ANKRD24: variants seen among roughly 807,000 people sequenced by gnomAD.
ANKRD24 encodes ankyrin repeat domain 24.
ANKRD24 carries 109 observed loss-of-function variants against 127.8 expected under a neutral mutation model. That is an observed-to-expected ratio of 0.85 (90% confidence interval 0.73 to 1.00). ANKRD24 has a LOEUF of 1.00. Ranked by LOEUF, ANKRD24 falls within the 50% of genes least tolerant of loss-of-function variation. The pLI is 0.00. For missense variants in ANKRD24, 1,648 were observed against 1,570.2 expected (o/e 1.05, Z -0.84); for synonymous variants, 743 against 671.1 (o/e 1.11, Z -1.66).
At position 4,217,724 on chromosome 19, in the gene ANKRD24, A is replaced by G; in HGVS notation, c.2564A>G (p.Glu855Gly). The G allele has an allele frequency of 2.3e-6, 3 of 1,292,654 alleles. No individual in the cohort carries two copies. The highest frequency in any genetic ancestry group is 2.9e-6 in the Non-Finnish European group (3 of 1,024,654). The allele number at this position is 1,292,654 out of a possible 1,614,324, so 80.1% of individuals were successfully genotyped here. A position where few individuals can be genotyped will look rare whatever the true frequency, so the allele number is the denominator to read the frequency against. Residue 855 changes from glutamate to glycine, a missense_variant, in exon 18 of 22, where the codon GAG (glutamate) becomes GGG (glycine). Coordinates refer to ENST00000318934, the MANE Select transcript of ANKRD24 (RefSeq NM_001393985.1). ...AGCCGGGAGCTGGAGGTTCTGCGGG[A>G]GCAGCTGGCCACGGCCAGGGCCACG... ...EQSRELEVLR[E>G]QLATARATGE...
At chr19:4,186,543 TTTCA>T in intron 2 of ANKRD24, 82 bp downstream of exon 2, 1 of 1,472,786 alleles carries the variant, frequency 6.8e-7, no homozygotes, top group Non-Finnish European at 9.3e-7. Flanking sequence ...AGATCCACCC[TTTCA>T]TTCCAGTACC....
chr19:4,182,867 CT>C, intron 1 of ANKRD24, 127 bp downstream of exon 1: 2 of 496,224 alleles, frequency 4.0e-6, no homozygotes, highest in Non-Finnish European at 5.2e-6. Flanking sequence ...CCCACAACCC[CT>C]TTTACGGATT....
Position 4,198,229 on chromosome 19 carries a change from G to C in ANKRD24, c.37-1454G>C, listed in dbSNP as rs576357399. On this transcript the variant is annotated intron_variant, in intron 2 of 21. Coordinates refer to ENST00000318934, the MANE Select transcript of ANKRD24 (RefSeq NM_001393985.1). The surrounding 1 kb of genome is among the most constrained non-coding windows in gnomAD (Gnocchi z 6.1). ...CAGGCGACAAGGTCAGGAGGGGCCG[G>C]GGCGGCGCCCCTTCCCTCAGCCCCC... 5.5e-5 allele frequency: 28 copies of C among 513,350 alleles called. No individual in the cohort carries two copies. The highest frequency in any genetic ancestry group is 5.2e-4 in the African/African-American group (26 of 49,582). 31.8% of individuals were successfully genotyped at this position (513,350 alleles called of 1,614,324 possible).
chr19:4,196,360 AGTTT>A (rs935998161), intron 2 of ANKRD24, among the ~76,000 whole-genome samples: 8 of 122,750 alleles, frequency 6.5e-5, no homozygotes, highest in African/African-American at 2.0e-4. Flanking sequence ...TTGTTGTTTT[AGTTT>A]GTTTGTTTTT....
In ANKRD24 at chr19:4,217,685, C is replaced by A. The variant is rs1245691186; in HGVS notation, c.2525C>A (p.Ala842Glu). 3 of 1,285,814 alleles carry A rather than the reference C, an allele frequency of 2.3e-6. No homozygotes were observed. Among genetic ancestry groups the A allele is most frequent in the Non-Finnish European group, 2.0e-6 (2 of 1,020,856 alleles). 79.7% of individuals were successfully genotyped at this position (1,285,814 alleles called of 1,614,324 possible). The change falls in exon 18 of 22, where the codon GCG becomes GAG. Residue 842 changes from alanine to glutamate, a missense_variant. Physicochemically the swap from Ala to Glu is moderately radical, Grantham distance 107. Coordinates refer to ENST00000318934, the MANE Select transcript of ANKRD24 (RefSeq NM_001393985.1). ...GCCGAGCTGGCCCAGCGGGAGGAGGCGCGGCTGGAGCAGAGCCGGGAGCTG... is the reference window on the plus strand; with the variant it reads ...GCCGAGCTGGCCCAGCGGGAGGAGGAGCGGCTGGAGCAGAGCCGGGAGCTG... ...LRAELAQREE[A>E]RLEQSRELEV...
Position 4,207,915 on chromosome 19 carries a change from A to C in ANKRD24, c.779A>C (p.Lys260Thr). Residue 260 changes from lysine (K) to threonine (T), a missense_variant, in exon 10 of 22, where the codon AAA (lysine) becomes ACA (threonine). Physicochemically the swap from Lys to Thr is moderately conservative, Grantham distance 78 (BLOSUM62 -1). Transcript: ENST00000318934. Reference sequence around the variant, plus strand: ...CACTATGGCGCCCTGGCGGGGGACAAACTCATCCTGCACCTTCTGCAAGAG... The same window carrying C: ...CACTATGGCGCCCTGGCGGGGGACACACTCATCCTGCACCTTCTGCAAGAG... ...AAHYGALAGD[K>T]LILHLLQEAA... The C allele has an allele frequency of 6.4e-7, 1 of 1,554,954 alleles. No individual in the cohort carries two copies. Among genetic ancestry groups the C allele is most frequent in the Non-Finnish European group, 8.7e-7 (1 of 1,152,244 alleles).
Position 4,222,771 on chromosome 19 carries a change from G to T in ANKRD24, c.3273G>T (p.Val1091=). 1 of 1,611,134 alleles carries T rather than the reference G, an allele frequency of 6.2e-7. No individual in the cohort carries two copies. The highest frequency in any genetic ancestry group is 1.1e-5 in the South Asian group (1 of 90,718). The change falls in exon 20 of 22, where the codon GTG becomes GTT. Residue 1091 remains valine, a synonymous_variant. Coordinates refer to ENST00000318934, the MANE Select transcript of ANKRD24 (RefSeq NM_001393985.1). ...TPEVEALRDQ[V]KDLQQQLQEA... is the part of the protein sequence containing the mutation. ...AGGTGGAGGCTCTCCGTGACCAGGTGAAGGATTTACAGCAGCAGCTGCAGG... is the reference window on the plus strand; with the variant it reads ...AGGTGGAGGCTCTCCGTGACCAGGTTAAGGATTTACAGCAGCAGCTGCAGG...
At position 4,199,487 on chromosome 19, in the gene ANKRD24, C is replaced by T. The variant is rs184185643; in HGVS notation, c.37-196C>T. The T allele has an allele frequency of 4.0e-5, 39 of 985,200 alleles. No homozygotes were observed. In the East Asian group the frequency reaches 3.7e-3, roughly 95 times the overall value. 61.0% of individuals were successfully genotyped at this position (985,200 alleles called of 1,614,324 possible). On this transcript the variant is annotated intron_variant, in intron 2 of 21. Coordinates refer to ENST00000318934, the MANE Select transcript of ANKRD24 (RefSeq NM_001393985.1). This position sits in a 1 kb window ranked among gnomAD's most constrained non-coding sequence, Gnocchi z 5.2. Reference sequence around the variant, plus strand: ...TTGGCCTCCCCAGATGCTGGGACTACAGGCGTGAGCCTCCATGCTCAGCCC... The same window carrying T: ...TTGGCCTCCCCAGATGCTGGGACTATAGGCGTGAGCCTCCATGCTCAGCCC...
chr19:4,222,068 C>T (rs1178446708), intron 19 of ANKRD24, among the ~76,000 whole-genome samples: 1 of 152,234 alleles, frequency 6.6e-6, no homozygotes, highest in Non-Finnish European at 1.5e-5. Context: ...AACTTAATCT[C>T]TGTGCAGGAT....
chr19:4,207,386 C>T, intron 8 of ANKRD24, 74 bp downstream of exon 8: 3 of 1,581,014 alleles, frequency 1.9e-6, no homozygotes, highest in South Asian at 2.2e-5. Context: ...GTATCTCAGG[C>T]ACCCTTTGAA....
chr19:4,190,074 C>T (rs1483999374), intron 2 of ANKRD24, among the ~76,000 whole-genome samples: 2 of 152,132 alleles, frequency 1.3e-5, no homozygotes, highest in Non-Finnish European at 2.9e-5. Context: ...TTTCTTCCCA[C>T]GTGGACTCAA....
Position 4,200,280 on chromosome 19 carries a change from G to A in ANKRD24, c.343+109G>A. ...GTCTCAATGTTCCCCGCTGAAAAAAGGGGAGGCTCCCTCTGGTGCTCCTCC... is the reference window on the plus strand; with the variant it reads ...GTCTCAATGTTCCCCGCTGAAAAAAAGGGAGGCTCCCTCTGGTGCTCCTCC... On this transcript the variant is annotated intron_variant, in intron 5 of 21. Transcript: ENST00000318934. 4 of 1,225,344 alleles carry A rather than the reference G, an allele frequency of 3.3e-6. No individual in the cohort carries two copies. The South Asian group carries it at 5.9e-5, about 18-fold the overall frequency. 75.9% of individuals were successfully genotyped at this position (1,225,344 alleles called of 1,614,324 possible).
intron 5 of ANKRD24, among the ~76,000 whole-genome samples, chr19:4,201,699 C>T (rs936255212): frequency 2.0e-5 from 3 of 151,932 alleles, no homozygotes; most frequent in Admixed American, 1.3e-4. Context: ...GCTTGGGCAA[C>T]ATAGCAAGAC....
At chr19:4,210,505 C>A in intron 13 of ANKRD24, 133 bp downstream of exon 13, 1 of 812,606 alleles carries the variant, frequency 1.2e-6, no homozygotes, top group Non-Finnish European at 1.9e-6. Context: ...GCCACCTGGG[C>A]CTCCTCGCTG....
In ANKRD24 at chr19:4,196,707, C is replaced by T. The variant is rs1347274358; in HGVS notation, c.37-2976C>T. Among the ~76,000 whole-genome samples the T allele has an allele frequency of 2.6e-5, 4 of 152,176 alleles. No individual in the cohort carries two copies. The East Asian group carries it at 7.7e-4, about 29-fold the overall frequency. On this transcript the variant is annotated intron_variant, in intron 2 of 21. Transcript: ENST00000318934. Reference sequence around the variant, plus strand: ...CTCCTTCTAAAATGCCAATTACCTGCAAGGGTCTTGGCTGTGCCCCAGAGT... The same window carrying T: ...CTCCTTCTAAAATGCCAATTACCTGTAAGGGTCTTGGCTGTGCCCCAGAGT...
chr19:4,203,918 T>G (rs1969237483), intron 7 of ANKRD24, among the ~76,000 whole-genome samples: 1 of 149,658 alleles, frequency 6.7e-6, no homozygotes, highest in Admixed American at 6.7e-5. Flanking sequence ...CCCAAAGTGC[T>G]GGGATTACAG....
intron 2 of ANKRD24, among the ~76,000 whole-genome samples, chr19:4,193,847 G>GGGAGGGAGGGAGGGAAGGAAGGAAA (rs1968533558): frequency 2.2e-4 from 2 of 9,006 alleles, no homozygotes; most frequent in Non-Finnish European, 5.4e-4. Flanking sequence ...GAGGGAGGGA[G>GGGAGGGAGGGAGGGAAGGAAGGAAA]GAAGGAAGGA....
intron 7 of ANKRD24, among the ~76,000 whole-genome samples, chr19:4,205,012 C>T (rs988276901): frequency 4.6e-5 from 7 of 151,954 alleles, no homozygotes; most frequent in East Asian, 3.9e-4. Context: ...CTGAGGCGGG[C>T]GGATCATGAG....
intron 18 of ANKRD24, among the ~76,000 whole-genome samples, chr19:4,219,121 A>G (rs1357404245): frequency 6.6e-6 from 1 of 152,028 alleles, no homozygotes; most frequent in Non-Finnish European, 1.5e-5. Flanking sequence ...CCCCGTCTCT[A>G]CTAAAAATAC....
Sources: allele counts gnomAD v4.1 joint callset (sites outside exome capture counted in the v4.1 genomes callset), GRCh38; gene constraint gnomAD v4.1.1; non-coding constraint Gnocchi (gnomAD v3.1); transcripts MANE v1.5; gene names NCBI Gene and HGNC (gene_info 2026-07-23, HGNC 2026-07-21).